Variants in ZNF507 observed in about 807,000 individuals in gnomAD.
ZNF507 encodes the protein zinc finger protein 507.
Under a neutral mutation model 80.0 loss-of-function variants are expected in ZNF507, and 29 were observed. The observed-to-expected ratio is 0.36, with a 90% CI of 0.27 to 0.49. The LOEUF is 0.49. ZNF507 is among the 20% of genes least tolerant of loss of function. ZNF507 has a pLI of 0.98. For synonymous variants in ZNF507, 462 were observed against 422.5 expected, an observed-to-expected ratio of 1.09 and a Z score of -1.15; for missense variants, 1,081 against 1,152.2, an observed-to-expected ratio of 0.94 and a Z score of 0.90.
At chr19:32,372,442 G>T (rs1031857448) in intron 5 of ZNF507, among the ~76,000 whole-genome samples, 1 of 152,122 alleles carries the variant, frequency 6.6e-6, no homozygotes, top group Non-Finnish European at 1.5e-5. Context: ...GGCTCTGATA[G>T]CATGGCAAAC....
chr19:32,376,966 T>C lies in ZNF507; in HGVS notation c.2361-5501T>C, dbSNP rs564261902. ...CATTATTTCTGCATATCAGAGACTTTTAGTACTTTCACTAATTTTGCTACT... is the reference window on the plus strand; with the variant it reads ...CATTATTTCTGCATATCAGAGACTTCTAGTACTTTCACTAATTTTGCTACT... On this transcript the variant is annotated intron_variant, in intron 5 of 6. Coordinates refer to ENST00000355898, the MANE Select transcript of ZNF507 (RefSeq NM_001136156.2). 7.9e-5 allele frequency among the ~76,000 whole-genome samples: 12 copies of C among 152,258 alleles called. No homozygotes were observed. In the South Asian group the frequency reaches 1.9e-3, roughly 24 times the overall value.
chr19:32,378,794 T>G (rs1967586996), intron 5 of ZNF507, among the ~76,000 whole-genome samples: 1 of 152,196 alleles, frequency 6.6e-6, no homozygotes, highest in Non-Finnish European at 1.5e-5. Flanking sequence ...TATGAAATTC[T>G]TGTTGCATAA....
At position 32,354,041 on chromosome 19, in the gene ZNF507, G is replaced by A. The variant is rs1568303115; in HGVS notation, c.1211G>A (p.Ser404Asn). 6.2e-7 allele frequency: 1 copy of A among 1,614,160 alleles called. No individual in the cohort carries two copies. Among genetic ancestry groups the A allele is most frequent in the Non-Finnish European group, 8.5e-7 (1 of 1,180,040 alleles). The change falls in exon 3 of 7, where the codon AGT becomes AAT. Residue 404 changes from serine to asparagine, a missense_variant. Transcript: ENST00000355898. Reference protein sequence around the residue: ...HVNVIVERLPSAEETLSQKRF... With the variant: ...HVNVIVERLPNAEETLSQKRF... ...AACGTGATAGTGGAGCGATTGCCAA[G>A]TGCTGAAGAAACCCTTTCACAGAAG... is the stretch of plus-strand genomic sequence containing the variant.
At chr19:32,378,909 A>G (rs1336160042) in intron 5 of ZNF507, among the ~76,000 whole-genome samples, 1 of 152,206 alleles carries the variant, frequency 6.6e-6, no homozygotes, top group Non-Finnish European at 1.5e-5. Flanking sequence ...AACAGCCAGC[A>G]TTTCGTGTCT....
intron 5 of ZNF507, among the ~76,000 whole-genome samples, chr19:32,367,296 G>A (rs895741201): frequency 7.9e-5 from 12 of 152,160 alleles, no homozygotes; most frequent in African/African-American, 2.2e-4. Flanking sequence ...TGACCCAGTC[G>A]CCTCTGCCCA....
chr19:32,382,544 A>G lies in ZNF507; in HGVS notation c.2438A>G (p.Asn813Ser), dbSNP rs767606976. 6.2e-7 allele frequency: 1 copy of G among 1,614,224 alleles called. No homozygotes were observed. The highest frequency in any genetic ancestry group is 8.5e-7 in the Non-Finnish European group (1 of 1,180,032). Reference sequence around the variant, plus strand: ...ATGTGGAAACATGCAAGTGACCAAAATTACAACTACGAACAAGTAAACAAG... The same window carrying G: ...ATGTGGAAACATGCAAGTGACCAAAGTTACAACTACGAACAAGTAAACAAG... ...SHMWKHASDQ[N>S]YNYEQVNKAI... The change falls in exon 6 of 7, where the codon AAT becomes AGT. Residue 813 changes from asparagine to serine, a missense_variant. Physicochemically the swap from Asn to Ser is conservative, Grantham distance 46. Around this residue, in one of 6 missense-constraint regions of ZNF507, gnomAD observed 11 missense variants for 37.1 expected, o/e 0.30. Coordinates refer to ENST00000355898, the MANE Select transcript of ZNF507 (RefSeq NM_001136156.2).
rs183090375 is a variant in ZNF507 at position 32,386,137 on chromosome 19, G to A, written c.*3054G>A. Reference sequence around the variant, plus strand: ...TATCATGCTAATATTCCATTTGATCGGTAGTCCAAGTTCTTTGGCCAGATA... The same window carrying A: ...TATCATGCTAATATTCCATTTGATCAGTAGTCCAAGTTCTTTGGCCAGATA... On this transcript the variant is annotated 3_prime_UTR_variant, in exon 7 of 7. Transcript: ENST00000355898. The A allele has an allele frequency of 1.6e-3, 246 of 152,534 alleles. No individual in the cohort carries two copies. Among genetic ancestry groups the A allele is most frequent in the African/African-American group, 5.6e-3 (234 of 41,512 alleles). The allele number at this position is 152,534 out of a possible 1,614,324, so 9.4% of individuals were successfully genotyped here.
intron 5 of ZNF507, among the ~76,000 whole-genome samples, chr19:32,369,186 T>C (rs1967437507): frequency 6.6e-6 from 1 of 152,228 alleles, no homozygotes. Flanking sequence ...TTTATACAGA[T>C]ACAGGTTGGG....
At chr19:32,346,837 G>C (rs1967103632) in intron 1 of ZNF507, among the ~76,000 whole-genome samples, 1 of 152,200 alleles carries the variant, frequency 6.6e-6, no homozygotes, top group African/African-American at 2.4e-5. Flanking sequence ...TTTTTATGCT[G>C]TTTTTCTGCC....
Position 32,354,438 on chromosome 19 carries a change from A to G in ZNF507, c.1608A>G (p.Thr536=), listed in dbSNP as rs564682906. ...CTAGTCAAAGGCAAGTAGATAGTAC[A>G]TTGGCAGCGTACTCAAAAATGATGT... is the stretch of plus-strand genomic sequence containing the variant. ...PDTSQRQVDS[T]LAAYSKMMSP... Residue 536 remains threonine, a synonymous_variant, in exon 3 of 7, where the codon ACA becomes ACG. Coordinates refer to ENST00000355898, the MANE Select transcript of ZNF507 (RefSeq NM_001136156.2). 42 of 1,614,172 alleles carry G rather than the reference A, an allele frequency of 2.6e-5. No homozygotes were observed. The highest frequency in any genetic ancestry group is 2.3e-4 in the South Asian group (21 of 91,090).
chr19:32,353,081 A>C lies in ZNF507; in HGVS notation c.251A>C (p.Glu84Ala). The C allele has an allele frequency of 1.9e-6, 3 of 1,614,196 alleles. No individual in the cohort carries two copies. The highest frequency in any genetic ancestry group is 2.5e-6 in the Non-Finnish European group (3 of 1,180,036). The change falls in exon 3 of 7, where the codon GAA becomes GCA. Residue 84 changes from glutamate (E) to alanine (A), a missense_variant. Around this residue, in one of 6 missense-constraint regions of ZNF507, gnomAD observed 275 missense variants for 303.9 expected, o/e 0.90. Coordinates refer to ENST00000355898, the MANE Select transcript of ZNF507 (RefSeq NM_001136156.2). ...SAATHSLETQ[E>A]LCEIPAKVIQ... The stretch of plus-strand genomic sequence containing the variant: ...GCAACACACTCTCTTGAAACCCAAG[A>C]ACTTTGTGAGATTCCGGCTAAAGTA...
intron 1 of ZNF507, among the ~76,000 whole-genome samples, 176 bp downstream of exon 1, chr19:32,345,959 C>A (rs1294369924): frequency 2.0e-5 from 3 of 152,244 alleles, no homozygotes; most frequent in Non-Finnish European, 4.4e-5. Flanking sequence ...GCAGCAAGGC[C>A]TGCGGAGACT....
intron 2 of ZNF507, among the ~76,000 whole-genome samples, chr19:32,349,806 A>G (rs1967139198): frequency 1.3e-5 from 2 of 151,994 alleles, no homozygotes; most frequent in Non-Finnish European, 2.9e-5. Flanking sequence ...TTAAACATTT[A>G]CATAAGTAGA....
At position 32,386,889 on chromosome 19, in the gene ZNF507, A is replaced by C. The variant is rs1034159016; in HGVS notation, c.*3806A>C. The C allele has an allele frequency of 8.5e-5, 13 of 152,576 alleles. No homozygotes were observed. Among genetic ancestry groups the C allele is most frequent in the African/African-American group, 3.1e-4 (13 of 41,456 alleles). The allele number at this position is 152,576 out of a possible 1,614,324, so 9.5% of individuals were successfully genotyped here. A position where few individuals can be genotyped will look rare whatever the true frequency, so the allele number is the denominator to read the frequency against. ...GTTCTATTAACCACAGGTTGTGTTC[A>C]TTCTTTTCCTGGAAATGATGACTTT... On this transcript the variant is annotated 3_prime_UTR_variant, in exon 7 of 7. Coordinates refer to ENST00000355898, the MANE Select transcript of ZNF507 (RefSeq NM_001136156.2).
chr19:32,378,372 G>A (rs552620493), intron 5 of ZNF507, among the ~76,000 whole-genome samples: 32 of 152,218 alleles, frequency 2.1e-4, no homozygotes, highest in African/African-American at 7.5e-4. Flanking sequence ...AGGCAAGTAG[G>A]AGAAATAATT....
rs1305670546 is a variant in ZNF507, at chr19:32,353,412, A to G, written c.582A>G (p.Val194=). 6.2e-7 allele frequency: 1 copy of G among 1,614,126 alleles called. No individual in the cohort carries two copies. The highest frequency in any genetic ancestry group is 8.5e-7 in the Non-Finnish European group (1 of 1,180,050). The change falls in exon 3 of 7, where the codon GTA becomes GTG. Residue 194 remains valine (V), a synonymous_variant. Coordinates refer to ENST00000355898, the MANE Select transcript of ZNF507 (RefSeq NM_001136156.2). ...IHTQSKAQQC[V]SPSSSLCRKT... is the part of the protein sequence containing the mutation. The stretch of plus-strand genomic sequence containing the variant: ...CCCAATCCAAAGCCCAACAGTGCGT[A>G]AGCCCCTCCAGCTCTTTGTGTCGGA...
rs1336522523 is a variant in ZNF507, at chr19:32,353,550, T to C, written c.720T>C (p.Tyr240=). ...CAGAAATGGGTAGGAGGAAATGGTA[T>C]GCATACGAACAGTACGGCATGTATC... ...SVAEMGRRKW[Y]AYEQYGMYRC... is the part of the protein sequence containing the mutation. Residue 240 remains tyrosine, a synonymous_variant, in exon 3 of 7, where the codon TAT becomes TAC. Coordinates refer to ENST00000355898, the MANE Select transcript of ZNF507 (RefSeq NM_001136156.2). The C allele has an allele frequency of 1.9e-6, 3 of 1,614,234 alleles. No individual in the cohort carries two copies. The highest frequency in any genetic ancestry group is 2.5e-6 in the Non-Finnish European group (3 of 1,180,042).
intron 2 of ZNF507, among the ~76,000 whole-genome samples, chr19:32,351,782 T>A (rs1375702845): frequency 6.6e-6 from 1 of 152,124 alleles, no homozygotes; most frequent in East Asian, 1.9e-4. Flanking sequence ...AAAACAAAAC[T>A]TGTTGCTGGA....
chr19:32,354,023 T>C lies in ZNF507; in HGVS notation c.1193T>C (p.Ile398Thr). 6.2e-7 allele frequency: 1 copy of C among 1,614,106 alleles called. No individual in the cohort carries two copies. Among genetic ancestry groups the C allele is most frequent in the Non-Finnish European group, 8.5e-7 (1 of 1,180,032 alleles). ...SPNKKGHVNV[I>T]VERLPSAEET... ...AATAAAAAAGGGCATGTTAACGTGA[T>C]AGTGGAGCGATTGCCAAGTGCTGAA... The change falls in exon 3 of 7, where the codon ATA becomes ACA. Residue 398 changes from isoleucine to threonine, a missense_variant. This residue lies in a region of ZNF507 where 614 missense variants were observed against 583.9 expected (regional missense o/e 1.05). Coordinates refer to ENST00000355898, the MANE Select transcript of ZNF507 (RefSeq NM_001136156.2).
Sources: gnomAD v4.1 joint callset for allele counts (sites outside exome capture counted in the v4.1 genomes callset) on GRCh38, gnomAD v4.1.1 for gene constraint, gnomAD v4.1.1 regional missense constraint, MANE v1.5 for transcripts, NCBI Gene and HGNC (gene_info 2026-07-23, HGNC 2026-07-21) for gene names.